Variants in XPO4 observed in about 807,000 individuals in gnomAD.
The protein encoded by XPO4 is exportin-4.
In XPO4, 39 loss-of-function variants were observed where a neutral mutation model predicts 143.0. That is an observed-to-expected ratio of 0.27 (90% CI 0.21 to 0.36). The LOEUF (loss-of-function observed/expected upper bound fraction) is 0.36, where lower values mean the gene tolerates loss of function less well. Ranked by LOEUF, XPO4 falls within the 10% of genes least tolerant of loss-of-function variation. The pLI is 1.00. For missense variants in XPO4, 907 were observed against 1,348.0 expected (o/e 0.67, Z 5.12); for synonymous variants, 439 against 474.0 (o/e 0.93, Z 0.96).
intron 1 of XPO4, among the ~76,000 whole-genome samples, chr13:20,878,427 AG>A (rs2060375506): frequency 1.3e-5 from 2 of 152,278 alleles, no homozygotes; most frequent in South Asian, 4.1e-4. Context: ...AAAAAGAAGA[AG>A]TAACAATTTA....
chr13:20,859,857 C>T (rs896753779), intron 3 of XPO4: 11 of 979,214 alleles, frequency 1.1e-5, no homozygotes, highest in African/African-American at 1.8e-5. Context: ...AAGAGCCAGA[C>T]ACATATACAT....
At chr13:20,827,723 A>G (rs1394907390) in intron 6 of XPO4, among the ~76,000 whole-genome samples, 1 of 152,242 alleles carries the variant, frequency 6.6e-6, no homozygotes, top group South Asian at 2.1e-4. Flanking sequence ...CAGTATCTAA[A>G]TATCAAGACA....
chr13:20,795,069 A>G (rs191958739), intron 18 of XPO4, among the ~76,000 whole-genome samples: 151 of 152,278 alleles, frequency 9.9e-4, no homozygotes, highest in Non-Finnish European at 1.6e-3. Context: ...AAGGAAACAG[A>G]ACAATCTCAA....
intron 9 of XPO4, among the ~76,000 whole-genome samples, chr13:20,813,518 T>G (rs2059609531): frequency 6.6e-6 from 1 of 152,204 alleles, no homozygotes; most frequent in African/African-American, 2.4e-5. Context: ...GCAGTAAATG[T>G]TGGTGAGAAC....
chr13:20,870,870 G>A lies in XPO4; in HGVS notation c.70-2169C>T, dbSNP rs1595148842. 2.0e-5 allele frequency among the ~76,000 whole-genome samples: 3 copies of A among 152,274 alleles called. No homozygotes were observed. In the East Asian group the frequency reaches 5.8e-4, roughly 29 times the overall value. ...CTGTTGCCCAGACTGGAGTACAGTA[G>A]CATGATCACAGCTCACTGCAGCCTC... On this transcript the variant is annotated intron_variant, in intron 1 of 22. Transcript: ENST00000255305.
At chr13:20,797,481 G>A (rs2059374047) in intron 16 of XPO4, among the ~76,000 whole-genome samples, 1 of 152,020 alleles carries the variant, frequency 6.6e-6, no homozygotes, top group African/African-American at 2.4e-5. Context: ...ATTCCTCTTG[G>A]CACAGAACGT....
intron 2 of XPO4, chr13:20,865,978 T>C: frequency 1.0e-6 from 1 of 952,464 alleles, no homozygotes. Context: ...TTTTGGCACT[T>C]GTGAGATCAG....
At chr13:20,892,629 G>A (rs989139697) in intron 1 of XPO4, among the ~76,000 whole-genome samples, 13 of 152,040 alleles carry the variant, frequency 8.6e-5, no homozygotes, top group Admixed American at 3.9e-4. Flanking sequence ...AGAGACCAAC[G>A]TTCATTAATC....
chr13:20,849,187 C>G (rs2060059553), intron 4 of XPO4: 1 of 985,242 alleles, frequency 1.0e-6, no homozygotes, highest in South Asian at 4.7e-5. Context: ...GCTTTATTAC[C>G]AAGAATAAAC....
rs1007683232 is a variant in XPO4 at position 20,852,394 on chromosome 13, A to G, written c.456+3233T>C. On this transcript the variant is annotated intron_variant, in intron 4 of 22. Transcript: ENST00000255305. ...TGCAAACCTTTTCTCTGCTATTTTT[A>G]TCTAAGTATATCCACCACTTCTTTT... is the stretch of plus-strand genomic sequence containing the variant. 5.1e-6 allele frequency: 5 copies of G among 985,260 alleles called. No homozygotes were observed. The African/African-American group carries it at 8.7e-5, about 17-fold the overall frequency. 61.0% of individuals were successfully genotyped at this position (985,260 alleles called of 1,614,324 possible).
chr13:20,861,131 A>C (rs976172144), intron 3 of XPO4, among the ~76,000 whole-genome samples: 41 of 152,108 alleles, frequency 2.7e-4, no homozygotes, highest in African/African-American at 9.7e-4. Flanking sequence ...TACATAACAA[A>C]ATTTTTTCTT....
chr13:20,782,316 T>C lies in XPO4; in HGVS notation c.*1406A>G, dbSNP rs1566548103. On this transcript the variant is annotated 3_prime_UTR_variant, in exon 23 of 23. Coordinates refer to ENST00000255305, the MANE Select transcript of XPO4 (RefSeq NM_022459.5). ...TGTGCCAGAGTCCTCTACCTGTCACTGTGCTGTGAAAGTACTGCAATGAGT... is the reference window on the plus strand; with the variant it reads ...TGTGCCAGAGTCCTCTACCTGTCACCGTGCTGTGAAAGTACTGCAATGAGT... 2 of 152,264 alleles carry C rather than the reference T, an allele frequency of 1.3e-5. No individual in the cohort carries two copies. The highest frequency in any genetic ancestry group is 2.4e-5 in the African/African-American group (1 of 41,470). 9.4% of individuals were successfully genotyped at this position (152,264 alleles called of 1,614,324 possible).
At chr13:20,854,206 C>T (rs1033105886) in intron 4 of XPO4, among the ~76,000 whole-genome samples, 1 of 152,172 alleles carries the variant, frequency 6.6e-6, no homozygotes, top group African/African-American at 2.4e-5. Context: ...TCCTGATCAG[C>T]TTGCTTACAG....
chr13:20,786,960 A>G lies in XPO4; in HGVS notation c.3258+5T>C. On this transcript the variant is annotated splice_donor_5th_base_variant and intron_variant, in intron 22 of 22. Transcript: ENST00000255305. ...GAGTCCCCTGAAAAGAGGCATGTCC[A>G]GTACCTGGTGCAAACACACCAACGT... The G allele has an allele frequency of 6.4e-7, 1 of 1,554,322 alleles. No homozygotes were observed. The highest frequency in any genetic ancestry group is 8.7e-7 in the Non-Finnish European group (1 of 1,148,046).
At chr13:20,868,456 G>A in intron 2 of XPO4, 140 bp downstream of exon 2, 1 of 1,290,958 alleles carries the variant, frequency 7.7e-7, no homozygotes, top group Non-Finnish European at 1.0e-6. Flanking sequence ...AGCTACTCCA[G>A]TAGAATGATT....
intron 9 of XPO4, among the ~76,000 whole-genome samples, chr13:20,816,450 T>C (rs2059652092): frequency 6.6e-6 from 1 of 152,246 alleles, no homozygotes; most frequent in Admixed American, 6.5e-5. Context: ...TTATTTTTTC[T>C]AGCTAGTTCT....
rs2059150214 is a variant in XPO4 at position 20,782,145 on chromosome 13, T to A, written c.*1577A>T. 1 of 152,230 alleles carries A rather than the reference T, an allele frequency of 6.6e-6. No homozygotes were observed. Among genetic ancestry groups the A allele is most frequent in the African/African-American group, 2.4e-5 (1 of 41,466 alleles). 9.4% of individuals were successfully genotyped at this position (152,230 alleles called of 1,614,324 possible). ...ATGCTCCAGTTTTGTTAACTGTTAA[T>A]AACACAGAATTATACAAAGTTTTGC... On this transcript the variant is annotated 3_prime_UTR_variant, in exon 23 of 23. Transcript: ENST00000255305.
At chr13:20,815,919 A>G (rs538268699) in intron 9 of XPO4, among the ~76,000 whole-genome samples, 1 of 152,352 alleles carries the variant, frequency 6.6e-6, no homozygotes, top group South Asian at 2.1e-4. Flanking sequence ...CTTGGCAGAA[A>G]TAAGTAATGT....
chr13:20,884,024 C>T (rs143985766), intron 1 of XPO4, among the ~76,000 whole-genome samples: 149 of 152,336 alleles, frequency 9.8e-4, no homozygotes, highest in Admixed American at 2.9e-3. Flanking sequence ...CCTCAGCCTC[C>T]TGAAGTGCTG....
Sources: allele counts gnomAD v4.1 joint callset (sites outside exome capture counted in the v4.1 genomes callset), GRCh38; gene constraint gnomAD v4.1.1; transcripts MANE v1.5; gene names NCBI Gene and HGNC (gene_info 2026-07-23, HGNC 2026-07-21).